The following COL25A1 variants were observed in gnomAD, a reference collection of about 807,000 sequenced individuals.
COL25A1 encodes the protein collagen type XXV alpha 1 chain, also known as collagen alpha-1(XXV) chain.
Under a neutral mutation model 128.4 loss-of-function variants are expected in COL25A1, and 103 were observed. The observed-to-expected ratio is 0.80, with a 90% confidence interval of 0.68 to 0.94. The LOEUF is 0.94. COL25A1 is among the 40% of genes least tolerant of loss of function. The pLI, the probability that COL25A1 is intolerant of heterozygous loss-of-function variation, is 0.00. For synonymous variants in COL25A1, 279 were observed against 277.2 expected (o/e 1.01, Z -0.06); for missense variants, 745 against 840.0 (o/e 0.89, Z 1.40).
chr4:108,969,119 T>G (rs1751639364), intron 8 of COL25A1, among the ~76,000 whole-genome samples: 1 of 152,164 alleles, frequency 6.6e-6, no homozygotes, highest in Non-Finnish European at 1.5e-5. Context: ...TCTATCAGTG[T>G]CAGCCCTGAT....
Position 109,190,521 on chromosome 4 carries a change from G to A in COL25A1, c.367+110062C>T, listed in dbSNP as rs533676858. 1.4e-4 allele frequency among the ~76,000 whole-genome samples: 22 copies of A among 152,272 alleles called. No individual in the cohort carries two copies. The South Asian group carries it at 4.3e-3, about 30-fold the overall frequency. On this transcript the variant is annotated intron_variant, in intron 3 of 37. Coordinates refer to ENST00000399132, the MANE Select transcript of COL25A1 (RefSeq NM_198721.4). The stretch of plus-strand genomic sequence containing the variant: ...GGGGATCATTGCCTCTTTCTGGAAC[G>A]TAAACAATGCAACTTTGGCAGGAGC...
intron 32 of COL25A1, among the ~76,000 whole-genome samples, chr4:108,828,006 G>C (rs528367001): frequency 6.6e-6 from 1 of 152,272 alleles, no homozygotes; most frequent in East Asian, 1.9e-4. Context: ...GGGGCCTCTA[G>C]CTTTGTTGTT....
At chr4:108,949,333 CTT>C (rs1749129962) in intron 8 of COL25A1, among the ~76,000 whole-genome samples, 1 of 152,140 alleles carries the variant, frequency 6.6e-6, no homozygotes, top group African/African-American at 2.4e-5. Context: ...ATGATATGCT[CTT>C]TGAGTGAGGT....
intron 3 of COL25A1, among the ~76,000 whole-genome samples, chr4:109,253,820 G>A (rs1780832459): frequency 6.6e-6 from 1 of 152,182 alleles, no homozygotes; most frequent in South Asian, 2.1e-4. Flanking sequence ...GGGCGCAGTG[G>A]CTCACACCTG....
Position 109,112,092 on chromosome 4 carries a change from T to C in COL25A1, c.368-61913A>G, listed in dbSNP as rs3113726. Among the ~76,000 whole-genome samples, 100 of 152,224 alleles carry C rather than the reference T, an allele frequency of 6.6e-4. 1 individual carries two copies. The highest frequency in any genetic ancestry group is 2.3e-3 in the African/African-American group (95 of 41,566). On this transcript the variant is annotated intron_variant, in intron 3 of 37. Transcript: ENST00000399132. ...TTATTTGTATTAAGTAAATGTTTATTGAGGGAATTAAAAAAAACAGTAAAT... is the reference window on the plus strand; with the variant it reads ...TTATTTGTATTAAGTAAATGTTTATCGAGGGAATTAAAAAAAACAGTAAAT...
At chr4:108,825,266 G>A in intron 33 of COL25A1, 44 bp from the exon 34 acceptor site, 2 of 1,527,018 alleles carry the variant, frequency 1.3e-6, no homozygotes, top group Non-Finnish European at 1.8e-6. Context: ...TCTAAGTTTT[G>A]TGAATAGATT....
At chr4:109,274,235 A>T (rs1782394561) in intron 3 of COL25A1, among the ~76,000 whole-genome samples, 1 of 152,222 alleles carries the variant, frequency 6.6e-6, no homozygotes, top group Non-Finnish European at 1.5e-5. Context: ...AAAAGTTCAA[A>T]GTCTATTCTT....
chr4:108,933,532 T>C (rs769380120), intron 11 of COL25A1, among the ~76,000 whole-genome samples: 9 of 152,312 alleles, frequency 5.9e-5, no homozygotes, highest in Non-Finnish European at 1.0e-4. Context: ...ATTTGACATG[T>C]TGTAATTTAA....
intron 3 of COL25A1, among the ~76,000 whole-genome samples, chr4:109,193,947 G>T (rs531324461): frequency 7.2e-5 from 11 of 152,348 alleles, no homozygotes; most frequent in African/African-American, 2.6e-4. Flanking sequence ...AAAAGGGAGA[G>T]AAGAAAGAGT....
intron 6 of COL25A1, among the ~76,000 whole-genome samples, chr4:109,006,721 TAATC>T (rs1168884064): frequency 6.6e-6 from 1 of 152,204 alleles, no homozygotes; most frequent in East Asian, 1.9e-4. Flanking sequence ...CACATATTGA[TAATC>T]AAATCTACTA....
In COL25A1 at chr4:109,025,948, C is replaced by G. The variant is rs1758223404; in HGVS notation, c.421-15573G>C. ...GAACATGGGTTTATTTGACTTGGAC[C>G]CTTTTGAGCTCTCACTTGTGTCATG... On this transcript the variant is annotated intron_variant, in intron 5 of 37. Coordinates refer to ENST00000399132, the MANE Select transcript of COL25A1 (RefSeq NM_198721.4). Among the ~76,000 whole-genome samples the G allele has an allele frequency of 2.6e-5, 4 of 151,918 alleles. No individual in the cohort carries two copies. The South Asian group carries it at 8.4e-4, about 32-fold the overall frequency.
At chr4:108,982,333 C>T (rs1159720071) in intron 6 of COL25A1, among the ~76,000 whole-genome samples, 3 of 152,176 alleles carry the variant, frequency 2.0e-5, no homozygotes, top group Non-Finnish European at 1.5e-5. Context: ...CTACCTCTAT[C>T]GTTAAGGAAC....
intron 24 of COL25A1, among the ~76,000 whole-genome samples, chr4:108,856,860 G>A (rs1056111429): frequency 6.6e-6 from 1 of 152,022 alleles, no homozygotes; most frequent in Non-Finnish European, 1.5e-5. Flanking sequence ...CAGAAGCTCT[G>A]AAAAATCACC....
At position 109,014,258 on chromosome 4, in the gene COL25A1, GAC is replaced by G. The variant is rs1756994234; in HGVS notation, c.421-3885_421-3884del. 5.9e-5 allele frequency among the ~76,000 whole-genome samples: 9 copies of G among 151,952 alleles called. No homozygotes were observed. In the South Asian group the frequency reaches 1.9e-3, roughly 32 times the overall value. ...GGGGGCAGAGGTTGCAGTGAGCTGA[GAC>G]TGTGCCACTGTACTCTAGCCTCAGT... On this transcript the variant is annotated intron_variant, in intron 5 of 37. Transcript: ENST00000399132.
chr4:109,003,726 G>A (rs1199422629), intron 6 of COL25A1, among the ~76,000 whole-genome samples: 3 of 152,140 alleles, frequency 2.0e-5, no homozygotes, highest in South Asian at 2.1e-4. Flanking sequence ...GTTTGAACCC[G>A]GGAGGCAGGG....
intron 35 of COL25A1, among the ~76,000 whole-genome samples, chr4:108,821,718 C>T (rs1253658039): frequency 6.6e-6 from 1 of 152,156 alleles, no homozygotes; most frequent in African/African-American, 2.4e-5. Flanking sequence ...TGAAGAATAA[C>T]GTGCCAATGT....
intron 8 of COL25A1, among the ~76,000 whole-genome samples, chr4:108,955,971 G>A (rs568927280): frequency 6.6e-6 from 1 of 152,184 alleles, no homozygotes; most frequent in Admixed American, 6.5e-5. Flanking sequence ...TCAAAATACT[G>A]AGCATTTGCC....
chr4:108,983,789 G>A (rs1405792095), intron 6 of COL25A1, among the ~76,000 whole-genome samples: 2 of 152,050 alleles, frequency 1.3e-5, no homozygotes, highest in African/African-American at 2.4e-5. Context: ...TCGTGGTCTC[G>A]CTGGCTTCAG....
rs553727499 is a variant in COL25A1 at position 109,259,708 on chromosome 4, T to A, written c.367+40875A>T. ...AAAGCATCAATTTAAACATGTAATA[T>A]ATATTCATGTTTATATTTCTAAGTA... is the stretch of plus-strand genomic sequence containing the variant. On this transcript the variant is annotated intron_variant, in intron 3 of 37. Transcript: ENST00000399132. 2.9e-3 allele frequency among the ~76,000 whole-genome samples: 436 copies of A among 152,340 alleles called. 4 individuals are homozygous for A. The highest frequency in any genetic ancestry group is 4.4e-3 in the Non-Finnish European group (301 of 68,030).
Sources: allele counts gnomAD v4.1 joint callset (sites outside exome capture counted in the v4.1 genomes callset), GRCh38; gene constraint gnomAD v4.1.1; transcripts MANE v1.5; gene names NCBI Gene and HGNC (gene_info 2026-07-23, HGNC 2026-07-21).